Variants in PGM2 observed in about 807,000 individuals in gnomAD.
PGM2 encodes the protein phosphoglucomutase 2, also known as phosphopentomutase.
A neutral mutation model predicts 74.6 loss-of-function variants in PGM2; 57 were observed. The observed-to-expected ratio is 0.76, with a 90% CI of 0.62 to 0.95. The LOEUF (loss-of-function observed/expected upper bound fraction) is 0.95, where lower values mean the gene tolerates loss of function less well. Ranked by LOEUF, PGM2 falls within the 40% of genes least tolerant of loss-of-function variation. The probability of loss-of-function intolerance (pLI) is 0.00; values close to 1 mark genes in which losing one functional copy is unlikely to be tolerated. For synonymous variants in PGM2, 273 were observed against 260.7 expected, an observed-to-expected ratio of 1.05 and a Z score of -0.46; for missense variants, 706 against 741.9, an observed-to-expected ratio of 0.95 and a Z score of 0.56.
intron 13 of PGM2, among the ~76,000 whole-genome samples, chr4:37,856,664 C>G (rs1726209282): frequency 6.6e-6 from 1 of 152,144 alleles, no homozygotes; most frequent in Non-Finnish European, 1.5e-5. Context: ...TGTGATACTG[C>G]ATGCCTATCC....
At position 37,855,664 on chromosome 4, in the gene PGM2, C is replaced by T. The variant is rs141694842; in HGVS notation, c.1659C>T (p.Gly553=). ...TCACCTTCACCTTTGCTAATGGAGG[C>T]GTGGCCACCATGCGCACCAGTGGGA... ...QMITFTFANG[G]VATMRTSGTE... is the part of the protein sequence containing the mutation. Residue 553 remains glycine (G), a synonymous_variant, in exon 13 of 14, where the codon GGC becomes GGT. Transcript: ENST00000381967. The T allele has an allele frequency of 8.1e-5, 130 of 1,613,872 alleles. No homozygotes were observed. The highest frequency in any genetic ancestry group is 9.5e-5 in the Non-Finnish European group (112 of 1,179,892).
chr4:37,833,813 C>G (rs1232152443), intron 2 of PGM2, among the ~76,000 whole-genome samples: 3 of 152,060 alleles, frequency 2.0e-5, no homozygotes, highest in Non-Finnish European at 4.4e-5. Flanking sequence ...ATTGTTATTC[C>G]TGTTTTACAG....
At chr4:37,840,986 A>G (rs1375255545) in intron 6 of PGM2, among the ~76,000 whole-genome samples, 1 of 134,686 alleles carries the variant, frequency 7.4e-6, no homozygotes, top group Non-Finnish European at 1.6e-5. Context: ...ATATATATGT[A>G]TGTTTTTAAA....
chr4:37,860,609 T>A (rs1711740280), intron 13 of PGM2, among the ~76,000 whole-genome samples: 1 of 152,232 alleles, frequency 6.6e-6, no homozygotes, highest in Non-Finnish European at 1.5e-5. Context: ...TGATTTTAAC[T>A]AATTATAGGG....
chr4:37,851,537 G>A (rs1726039635), intron 12 of PGM2, among the ~76,000 whole-genome samples: 1 of 152,266 alleles, frequency 6.6e-6, no homozygotes, highest in South Asian at 2.1e-4. Flanking sequence ...TGTTAGGCAC[G>A]TTCTTTGATA....
intron 1 of PGM2, 144 bp downstream of exon 1, chr4:37,826,957 G>T (rs1054194761): frequency 5.1e-6 from 3 of 582,728 alleles, no homozygotes; most frequent in Non-Finnish European, 9.0e-6. Flanking sequence ...GGAGCGTACG[G>T]CCGCTGCTAG....
intron 12 of PGM2, among the ~76,000 whole-genome samples, chr4:37,852,672 T>C (rs545173217): frequency 1.3e-5 from 2 of 152,338 alleles, no homozygotes; most frequent in East Asian, 3.9e-4. Context: ...AATCCTTCCT[T>C]TTTCAGCAGA....
intron 4 of PGM2, among the ~76,000 whole-genome samples, chr4:37,838,424 G>A (rs1047600171): frequency 1.2e-4 from 18 of 152,162 alleles, no homozygotes; most frequent in African/African-American, 4.3e-4. Flanking sequence ...ACAATCTAAA[G>A]AAGAAGACAG....
chr4:37,827,606 T>C (rs1725330581), intron 1 of PGM2, among the ~76,000 whole-genome samples: 1 of 152,248 alleles, frequency 6.6e-6, no homozygotes, highest in African/African-American at 2.4e-5. Context: ...AGAGAGTCAG[T>C]CCTTCCTTGG....
chr4:37,861,623 C>A lies in PGM2; in HGVS notation c.*11C>A. The A allele has an allele frequency of 1.3e-6, 2 of 1,557,134 alleles. No individual in the cohort carries two copies. The highest frequency in any genetic ancestry group is 1.8e-6 in the Non-Finnish European group (2 of 1,128,670). On this transcript the variant is annotated 3_prime_UTR_variant, in exon 14 of 14. Transcript: ENST00000381967. ...CCAAAAGCAGACTAAAATAGTCCAG[C>A]CTTGGGTATACTTGCATTTACCTAC...
Position 37,840,092 on chromosome 4 carries a change from C to T in PGM2, c.552C>T (p.Ile184=), listed in dbSNP as rs1213208805. ...TCTATTGGGATAATGGAGCTCAGAT[C>T]ATTTCTCCTCACGATAAAGGGATTT... is the stretch of plus-strand genomic sequence containing the variant. ...YKVYWDNGAQ[I]ISPHDKGISQ... The change falls in exon 6 of 14, where the codon ATC becomes ATT. Residue 184 remains isoleucine, a synonymous_variant. Transcript: ENST00000381967. 2 of 1,613,752 alleles carry T rather than the reference C, an allele frequency of 1.2e-6. No individual in the cohort carries two copies. The highest frequency in any genetic ancestry group is 1.1e-5 in the South Asian group (1 of 91,084).
rs1711784286 is a variant in PGM2 at position 37,861,780 on chromosome 4, G to T, written c.*168G>T. 4.5e-6 allele frequency: 2 copies of T among 444,362 alleles called. No homozygotes were observed. Among genetic ancestry groups the T allele is most frequent in the African/African-American group, 3.9e-5 (2 of 51,104 alleles). The allele number at this position is 444,362 out of a possible 1,614,324, so 27.5% of individuals were successfully genotyped here. Reference sequence around the variant, plus strand: ...ATGTTTGACCTTTAAGGTGAAAAAAGAAAATGGCCAAACCCAACAAACTAA... The same window carrying T: ...ATGTTTGACCTTTAAGGTGAAAAAATAAAATGGCCAAACCCAACAAACTAA... On this transcript the variant is annotated 3_prime_UTR_variant, in exon 14 of 14. Transcript: ENST00000381967.
At position 37,835,924 on chromosome 4, in the gene PGM2, G is replaced by T. The variant is rs947844250; in HGVS notation, c.356+1200G>T. Among the ~76,000 whole-genome samples, 31 of 152,352 alleles carry T rather than the reference G, an allele frequency of 2.0e-4. 1 individual carries two copies. The highest frequency in any genetic ancestry group is 4.1e-4 in the African/African-American group (17 of 41,584). On this transcript the variant is annotated intron_variant, in intron 3 of 13. Transcript: ENST00000381967. ...ACATGAACTACATTCACAAGAGAAT[G>T]ATGTGGTATAAACCAGCATATCAGC...
intron 6 of PGM2, among the ~76,000 whole-genome samples, chr4:37,843,379 A>G (rs1009808449): frequency 2.6e-5 from 4 of 152,228 alleles, no homozygotes; most frequent in African/African-American, 4.8e-5. Flanking sequence ...TTAAACCACA[A>G]TTCTCTTAGA....
intron 13 of PGM2, among the ~76,000 whole-genome samples, chr4:37,859,918 A>G (rs1021754683): frequency 3.3e-5 from 5 of 152,200 alleles, no homozygotes; most frequent in Admixed American, 3.3e-4. Flanking sequence ...ATTTTTAAAG[A>G]TGTTATGAAA....
At chr4:37,851,005 A>AG (rs1484759933) in intron 12 of PGM2, among the ~76,000 whole-genome samples, 1 of 151,416 alleles carries the variant, frequency 6.6e-6, no homozygotes, top group Non-Finnish European at 1.5e-5. Flanking sequence ...AAAAAAAAAA[A>AG]AAAAGAGGAA....
At position 37,856,337 on chromosome 4, in the gene PGM2, A is replaced by G. The variant is rs541903942; in HGVS notation, c.1736+596A>G. 2.4e-3 allele frequency among the ~76,000 whole-genome samples: 368 copies of G among 152,270 alleles called. 1 individual carries two copies. Among genetic ancestry groups the G allele is most frequent in the African/African-American group, 8.2e-3 (342 of 41,562 alleles). On this transcript the variant is annotated intron_variant, in intron 13 of 13. Transcript: ENST00000381967. Reference sequence around the variant, plus strand: ...TAGGCGGAGCTTGCAGTGAGCCGAGACTGCGCCACTGCACTCCAGCCTGGG... The same window carrying G: ...TAGGCGGAGCTTGCAGTGAGCCGAGGCTGCGCCACTGCACTCCAGCCTGGG...
Position 37,848,626 on chromosome 4 carries a change from C to T in PGM2, c.1387C>T (p.Gln463Ter), listed in dbSNP as rs1725944824. The T allele has an allele frequency of 6.2e-7, 1 of 1,613,682 alleles. No individual in the cohort carries two copies. Among genetic ancestry groups the T allele is most frequent in the African/African-American group, 1.3e-5 (1 of 75,050 alleles). The change falls in exon 11 of 14, where the codon CAG (glutamine) becomes TAG (stop). Residue 463 changes from glutamine (Q) to a stop codon, truncating the protein, a stop_gained. Transcript: ENST00000381967. LOFTEE classifies it high-confidence loss of function. ...AGCAACCAAGAATTTGTCTTTGTCT[C>T]AGCAACTAAAGGCCATTTATGTGGA... Reference protein sequence around the residue: ...FLATKNLSLSQQLKAIYVEYG... With the variant: ...FLATKNLSLS
intron 13 of PGM2, among the ~76,000 whole-genome samples, chr4:37,858,771 GA>G (rs1362256351): frequency 6.6e-6 from 1 of 152,024 alleles, no homozygotes; most frequent in Non-Finnish European, 1.5e-5. Flanking sequence ...AACTAAAATG[GA>G]AAATCCTTTT....
Sources: gnomAD v4.1 joint callset for allele counts (sites outside exome capture counted in the v4.1 genomes callset) on GRCh38, gnomAD v4.1.1 for gene constraint, MANE v1.5 for transcripts, NCBI Gene and HGNC (gene_info 2026-07-23, HGNC 2026-07-21) for gene names.